Variants in ACACA observed in about 807,000 individuals in gnomAD.
ACACA encodes the protein acetyl-CoA carboxylase alpha.
ACACA carries 103 observed loss-of-function variants against 296.1 expected under a neutral mutation model. The ratio of observed to expected loss-of-function variants is 0.35; its 90% CI spans 0.30 to 0.41. The LOEUF is 0.41. ACACA is among the 10% of genes least tolerant of loss of function. The pLI is 1.00. For missense variants in ACACA, 1,554 were observed against 2,989.7 expected (o/e 0.52, Z 11.20); for synonymous variants, 953 against 1,038.6 (o/e 0.92, Z 1.58).
intron 1 of ACACA, among the ~76,000 whole-genome samples, chr17:37,401,131 T>C (rs1020779458): frequency 6.6e-6 from 1 of 152,136 alleles, no homozygotes; most frequent in African/African-American, 2.4e-5. Context: ...CCCTGATGAT[T>C]AGTGATGTTG....
chr17:37,389,908 T>C lies in ACACA; in HGVS notation c.38+16354A>G, dbSNP rs541739272. On this transcript the variant is annotated intron_variant, in intron 1 of 55. Transcript: ENST00000616317. ...TAACATCAGTCCAGACATGATACAA[T>C]AGGGTGCTTATTGAATACACATACC... Among the ~76,000 whole-genome samples the C allele has an allele frequency of 8.4e-4, 126 of 150,674 alleles. No homozygotes were observed. In the South Asian group the frequency reaches 0.026, roughly 31 times the overall value.
intron 1 of ACACA, among the ~76,000 whole-genome samples, chr17:37,342,436 A>AAAAAATATAT (rs1555652530): frequency 5.2e-5 from 3 of 58,214 alleles, no homozygotes; most frequent in Non-Finnish European, 8.7e-5. Flanking sequence ...AAAAAAAAAA[A>AAAAAATATAT]ATATATATAT....
At chr17:37,120,829 T>C (rs2074493640) in intron 50 of ACACA, among the ~76,000 whole-genome samples, 1 of 152,114 alleles carries the variant, frequency 6.6e-6, no homozygotes, top group Non-Finnish European at 1.5e-5. Context: ...TAGCATGGAG[T>C]AGAGCCTTTG....
chr17:37,300,613 G>A (rs1192738385), intron 3 of ACACA, among the ~76,000 whole-genome samples: 2 of 152,072 alleles, frequency 1.3e-5, no homozygotes, highest in Admixed American at 1.3e-4. Flanking sequence ...ATGACCTGGA[G>A]CATAGATAGA....
At chr17:37,286,052 G>C (rs904318691) in intron 3 of ACACA, among the ~76,000 whole-genome samples, 18 of 152,146 alleles carry the variant, frequency 1.2e-4, no homozygotes, top group Admixed American at 3.9e-4. Context: ...ACCACACCTG[G>C]CTAATTTTTG....
At chr17:37,375,151 G>T (rs1177562881) in intron 1 of ACACA, among the ~76,000 whole-genome samples, 1 of 151,392 alleles carries the variant, frequency 6.6e-6, no homozygotes, top group Non-Finnish European at 1.5e-5. Context: ...CCAAGATTAT[G>T]CCACTGCACT....
intron 47 of ACACA, among the ~76,000 whole-genome samples, chr17:37,128,973 G>A (rs1232505564): frequency 6.6e-6 from 1 of 152,104 alleles, no homozygotes; most frequent in Non-Finnish European, 1.5e-5. Context: ...AAACGAAACT[G>A]ATTAATCTCT....
At chr17:37,247,943 G>A in intron 18 of ACACA, 68 bp downstream of exon 18, 1 of 1,590,546 alleles carries the variant, frequency 6.3e-7, no homozygotes, top group Non-Finnish European at 8.6e-7. Flanking sequence ...AAAATCCCAA[G>A]AGCTAGTAGC....
At chr17:37,301,903 C>T (rs1031827553) in intron 3 of ACACA, among the ~76,000 whole-genome samples, 5 of 152,150 alleles carry the variant, frequency 3.3e-5, no homozygotes, top group African/African-American at 7.2e-5. Flanking sequence ...TTAAGGAGAA[C>T]TGCTGTCTTG....
rs2047820557 is a variant in ACACA at position 37,330,387 on chromosome 17, A to G, written c.124T>C (p.Ser42Pro). 1.9e-6 allele frequency: 3 copies of G among 1,614,074 alleles called. No homozygotes were observed. Among genetic ancestry groups the G allele is most frequent in the South Asian group, 1.1e-5 (1 of 91,084 alleles). ...AGCTCCAGAGGTTGGGCCAAGGGAG[A>G]TGGTTCATCCATTATTCCTCCAAAA... Reference protein sequence around the residue: ...AHFGGIMDEPSPLAQPLELNQ... With the variant: ...AHFGGIMDEPPPLAQPLELNQ... Residue 42 changes from serine (S) to proline (P), a missense_variant, in exon 3 of 56, where the codon TCT (serine) becomes CCT (proline). This residue lies in a region of ACACA where 140 missense variants were observed against 147.7 expected (regional missense o/e 0.95). Transcript: ENST00000616317.
In ACACA at chr17:37,221,706, A is replaced by C; in HGVS notation, c.3683+18T>G. On this transcript the variant is annotated intron_variant, in intron 29 of 55. Coordinates refer to ENST00000616317, the MANE Select transcript of ACACA (RefSeq NM_198834.3). ...ATACCTCTGGCTGGCTCGGGTGCAC[A>C]TACCACCTCAAACTCACCTGTTTGG... The C allele has an allele frequency of 2.4e-4, 376 of 1,590,090 alleles. No homozygotes were observed. The highest frequency in any genetic ancestry group is 2.9e-4 in the Non-Finnish European group (341 of 1,158,144).
intron 28 of ACACA, 49 bp downstream of exon 28, chr17:37,223,463 C>A: frequency 6.9e-7 from 1 of 1,445,668 alleles, no homozygotes; most frequent in South Asian, 1.1e-5. Context: ...CAGAAGAAAC[C>A]AGCTAGAAAC....
intron 33 of ACACA, 58 bp downstream of exon 33, chr17:37,205,707 A>G (rs1337188315): frequency 2.3e-6 from 3 of 1,292,292 alleles, no homozygotes; most frequent in Non-Finnish European, 3.4e-6. Context: ...AAGGATAGCT[A>G]TGATACACAG....
In ACACA at chr17:37,235,110, T is replaced by C. The variant is rs768490337; in HGVS notation, c.3122-11A>G. On this transcript the variant is annotated splice_polypyrimidine_tract_variant and intron_variant, in intron 24 of 55. Transcript: ENST00000616317. ...ATTTGTCATAGTGACCTGCACACCA[T>C]GAAAAGAACTGGTTCTCACCCATGT... is the stretch of plus-strand genomic sequence containing the variant. The C allele has an allele frequency of 1.2e-6, 2 of 1,613,160 alleles. No individual in the cohort carries two copies. The highest frequency in any genetic ancestry group is 1.1e-5 in the South Asian group (1 of 91,072).
At chr17:37,171,784 A>G (rs1415473501) in intron 41 of ACACA, among the ~76,000 whole-genome samples, 4 of 152,210 alleles carry the variant, frequency 2.6e-5, no homozygotes, top group African/African-American at 7.2e-5. Flanking sequence ...TCCCTGTAAC[A>G]TTTATATACA....
At chr17:37,314,817 C>T (rs2047010396) in intron 3 of ACACA, among the ~76,000 whole-genome samples, 1 of 150,566 alleles carries the variant, frequency 6.6e-6, no homozygotes, top group Non-Finnish European at 1.5e-5. Flanking sequence ...AGTTTTGTAT[C>T]TTTAGTAGAG....
Position 37,210,509 on chromosome 17 carries a change from A to G in ACACA, c.3684-19T>C, listed in dbSNP as rs758385765. On this transcript the variant is annotated intron_variant, in intron 29 of 55. Coordinates refer to ENST00000616317, the MANE Select transcript of ACACA (RefSeq NM_198834.3). ...GTTCCCTCTGTAATTAAACAACCAC[A>G]GTTAGTTACTGATAAGTTAGTGAAA... 6.2e-7 allele frequency: 1 copy of G among 1,609,346 alleles called. No individual in the cohort carries two copies. The highest frequency in any genetic ancestry group is 8.5e-7 in the Non-Finnish European group (1 of 1,175,748).
chr17:37,098,757 T>A (rs902336301), intron 52 of ACACA, among the ~76,000 whole-genome samples: 1 of 152,178 alleles, frequency 6.6e-6, no homozygotes, highest in Non-Finnish European at 1.5e-5. Flanking sequence ...TTGGCAAACC[T>A]CATTTGGATC....
At chr17:37,251,660 T>G (rs942696985) in intron 16 of ACACA, among the ~76,000 whole-genome samples, 1 of 152,212 alleles carries the variant, frequency 6.6e-6, no homozygotes, top group African/African-American at 2.4e-5. Flanking sequence ...ATGAAATATT[T>G]AGGGTTCAGT....
Sources: allele counts gnomAD v4.1 joint callset (sites outside exome capture counted in the v4.1 genomes callset), GRCh38; gene constraint gnomAD v4.1.1; regional missense constraint gnomAD v4.1.1; transcripts MANE v1.5; gene names NCBI Gene and HGNC (gene_info 2026-07-23, HGNC 2026-07-21).